The following ZNF518A variants were observed in gnomAD, a reference collection of about 807,000 sequenced individuals.
ZNF518A encodes zinc finger protein 518A.
ZNF518A carries 47 observed loss-of-function variants against 102.7 expected under a neutral mutation model. The ratio of observed to expected loss-of-function variants is 0.46; its 90% CI spans 0.36 to 0.58. ZNF518A has a LOEUF of 0.58. Among genes scored for constraint, ZNF518A ranks in the 20% least tolerant of loss-of-function variants. The pLI is 0.00. For missense variants in ZNF518A, 1,793 were observed against 1,699.8 expected (o/e 1.05, Z -0.96); for synonymous variants, 652 against 594.6 (o/e 1.10, Z -1.40).
At chr10:96,179,906 T>A (rs1272586512) in intron 1 of ZNF518A, among the ~76,000 whole-genome samples, 7 of 145,666 alleles carry the variant, frequency 4.8e-5, no homozygotes, top group Non-Finnish European at 9.0e-5. Context: ...TGACATGGAG[T>A]CTCGCTCTCT....
At chr10:96,135,424 T>G (rs1554874062) in intron 3 of ZNF518A, 1 of 152,254 alleles carries the variant, frequency 6.6e-6, no homozygotes, top group Non-Finnish European at 1.5e-5. Flanking sequence ...ATATGGCCCT[T>G]ATGAATTTAA....
At chr10:96,146,741 A>G (rs926173811) in intron 3 of ZNF518A, among the ~76,000 whole-genome samples, 1 of 152,206 alleles carries the variant, frequency 6.6e-6, no homozygotes, top group African/African-American at 2.4e-5. Context: ...CTCTGGTCAT[A>G]TCCTCCTCTC....
chr10:96,180,711 A>C (rs2133892189), intron 1 of ZNF518A, among the ~76,000 whole-genome samples: 1 of 152,300 alleles, frequency 6.6e-6, no homozygotes, highest in Non-Finnish European at 1.5e-5. Context: ...TCCATGGTGT[A>C]TATGTGCCAC....
Position 96,200,216 on chromosome 10 carries a change from G to T in ZNF518A, n.36-3358G>T. 6.9e-7 allele frequency: 1 copy of T among 1,443,856 alleles called. No individual in the cohort carries two copies. Among genetic ancestry groups the T allele is most frequent in the Non-Finnish European group, 9.7e-7 (1 of 1,027,962 alleles). The allele number at this position is 1,443,856 out of a possible 1,614,324, so 89.4% of individuals were successfully genotyped here. ...TGGTCCCTACTTAACTCTAATTTCT[G>T]TGTACTAGAAACAAAGACCCATTTG... On this transcript the variant is annotated intron_variant and non_coding_transcript_variant, in intron 1 of 2. Transcript: ENST00000442635. This position sits in a 1 kb window ranked among gnomAD's most constrained non-coding sequence, Gnocchi z 4.3.
At chr10:96,174,368 G>A (rs587604194) in intron 1 of ZNF518A, among the ~76,000 whole-genome samples, 2 of 152,078 alleles carry the variant, frequency 1.3e-5, no homozygotes, top group East Asian at 3.9e-4. Flanking sequence ...AGAACATAAA[G>A]GAAACCAAAA....
Position 96,189,012 on chromosome 10 carries a change from C to T in ZNF518A, n.36-14562C>T, listed in dbSNP as rs1044126021. On this transcript the variant is annotated intron_variant and non_coding_transcript_variant, in intron 1 of 2. Coordinates refer to the ZNF518A transcript ENST00000442635. ...TCACTCCAGTCCCTCATCTTCATGTCGTAATCTTTTTTTTCAATAGAAACC... is the reference window on the plus strand; with the variant it reads ...TCACTCCAGTCCCTCATCTTCATGTTGTAATCTTTTTTTTCAATAGAAACC... Among the ~76,000 whole-genome samples, 13 of 152,108 alleles carry T rather than the reference C, an allele frequency of 8.5e-5. No individual in the cohort carries two copies. The East Asian group carries it at 1.2e-3, about 14-fold the overall frequency.
exon 3 of ZNF518A, chr10:96,204,018 A>G (rs1336260703): frequency 1.3e-6 from 2 of 1,583,614 alleles, no homozygotes; most frequent in African/African-American, 2.7e-5. Flanking sequence ...TCCAGCCTCG[A>G]CCACTCCCTG....
rs1157521635 is a variant in ZNF518A, at chr10:96,158,823, A to G, written c.2501A>G (p.Lys834Arg). The G allele has an allele frequency of 3.1e-6, 5 of 1,613,696 alleles. No individual in the cohort carries two copies. In the African/African-American group the frequency reaches 6.7e-5, roughly 22 times the overall value. Residue 834 changes from lysine (K) to arginine (R), a missense_variant, in exon 6 of 6, where the codon AAA becomes AGA. Coordinates refer to ENST00000316045, the MANE Select transcript of ZNF518A (RefSeq NM_001330736.2). ...GKIVESSKDF[K>R]VQGIFPVPPG... Reference sequence around the variant, plus strand: ...ATTGTTGAATCTTCGAAAGATTTCAAAGTGCAAGGCATCTTCCCAGTTCCA... The same window carrying G: ...ATTGTTGAATCTTCGAAAGATTTCAGAGTGCAAGGCATCTTCCCAGTTCCA...
intron 3 of ZNF518A, among the ~76,000 whole-genome samples, chr10:96,148,861 G>C (rs780732570): frequency 1.3e-5 from 2 of 152,042 alleles, no homozygotes; most frequent in Non-Finnish European, 2.9e-5. Flanking sequence ...GACTACAGGC[G>C]CCCACCACCA....
chr10:96,189,355 AT>A lies in ZNF518A; in HGVS notation n.36-14215del, dbSNP rs1164224443. On this transcript the variant is annotated intron_variant and non_coding_transcript_variant, in intron 1 of 2. Coordinates refer to the ZNF518A transcript ENST00000442635. ...AAAATGTTAACAAATTGTTTAAACT[AT>A]TTTCTAAAGAGACTTCCTCCACTGC... 6 of 559,564 alleles carry A rather than the reference AT, an allele frequency of 1.1e-5. 1 individual carries two copies. Among genetic ancestry groups the A allele is most frequent in the African/African-American group, 9.4e-5 (5 of 52,994 alleles). The allele number at this position is 559,564 out of a possible 1,614,324, so 34.7% of individuals were successfully genotyped here. A position where few individuals can be genotyped will look rare whatever the true frequency, so the allele number is the denominator to read the frequency against.
rs782655160 is a variant in ZNF518A, at chr10:96,160,177, C to A, written c.3855C>A (p.Tyr1285Ter). 6.2e-7 allele frequency: 1 copy of A among 1,608,190 alleles called. No homozygotes were observed. Among genetic ancestry groups the A allele is most frequent in the Non-Finnish European group, 8.5e-7 (1 of 1,177,526 alleles). ...RNCKRKCRDS[Y>*]QEPPRRKATL... Reference sequence around the variant, plus strand: ...GTAAACGAAAGTGTAGGGATAGTTACCAAGAACCTCCAAGAAGAAAAGCAA... The same window carrying A: ...GTAAACGAAAGTGTAGGGATAGTTAACAAGAACCTCCAAGAAGAAAAGCAA... Residue 1285 changes from tyrosine (Y) to a stop codon, truncating the protein, a stop_gained, in exon 6 of 6, where the codon TAC (tyrosine) becomes TAA (stop). Coordinates refer to ENST00000316045, the MANE Select transcript of ZNF518A (RefSeq NM_001330736.2). LOFTEE classifies it high-confidence loss of function.
In ZNF518A at chr10:96,158,276, C is replaced by T. The variant is rs782112446; in HGVS notation, c.1954C>T (p.Arg652Cys). The T allele has an allele frequency of 1.7e-5, 27 of 1,613,350 alleles. No individual in the cohort carries two copies. Among genetic ancestry groups the T allele is most frequent in the African/African-American group, 4.0e-5 (3 of 74,890 alleles). The change falls in exon 6 of 6, where the codon CGT (arginine) becomes TGT (cysteine). Residue 652 changes from arginine (R) to cysteine (C), a missense_variant. Transcript: ENST00000316045. ...AAAAGTGAATAATTCTAATAAACGT[C>T]GTAGGTTTTCAGGAACAGCAGTGTA... is the stretch of plus-strand genomic sequence containing the variant. ...YSKVNNSNKRRRFSGTAVYEN... is the reference protein window; with the variant it reads ...YSKVNNSNKRCRFSGTAVYEN...
chr10:96,141,896 C>T (rs1313615585), intron 3 of ZNF518A, among the ~76,000 whole-genome samples: 1 of 152,010 alleles, frequency 6.6e-6, no homozygotes, highest in Non-Finnish European at 1.5e-5. Flanking sequence ...CATGCCACCA[C>T]ACTTGCCTAA....
At chr10:96,173,571 G>A (rs1381506842) in intron 1 of ZNF518A, among the ~76,000 whole-genome samples, 5 of 152,084 alleles carry the variant, frequency 3.3e-5, no homozygotes, top group South Asian at 4.1e-4. Context: ...AACTCATCAG[G>A]AAGCTATAAC....
At chr10:96,168,508 T>G (rs1184690070), downstream of ZNF518A, among the ~76,000 whole-genome samples, 2 of 152,168 alleles carry the variant, frequency 1.3e-5, no homozygotes, top group African/African-American at 4.8e-5. Flanking sequence ...TATACTCCCT[T>G]TAGCTTTTTT....
At chr10:96,135,485 T>G (rs1211179515) in intron 3 of ZNF518A, among the ~76,000 whole-genome samples, 4 of 152,238 alleles carry the variant, frequency 2.6e-5, no homozygotes, top group African/African-American at 9.6e-5. Flanking sequence ...TTCCCCACTT[T>G]CCTATACCTT....
At position 96,157,624 on chromosome 10, in the gene ZNF518A, A is replaced by G; in HGVS notation, c.1302A>G (p.Leu434=). ...LKNVMMKNNK[L]AVSPNYNATF... ...ATGTAATGATGAAAAATAATAAACTAGCAGTTTCCCCTAACTATAATGCTA... is the reference window on the plus strand; with the variant it reads ...ATGTAATGATGAAAAATAATAAACTGGCAGTTTCCCCTAACTATAATGCTA... The change falls in exon 6 of 6, where the codon CTA becomes CTG. Residue 434 remains leucine, a synonymous_variant. Coordinates refer to ENST00000316045, the MANE Select transcript of ZNF518A (RefSeq NM_001330736.2). 1 of 1,613,866 alleles carries G rather than the reference A, an allele frequency of 6.2e-7. No individual in the cohort carries two copies. Among genetic ancestry groups the G allele is most frequent in the South Asian group, 1.1e-5 (1 of 91,064 alleles).
In ZNF518A at chr10:96,163,132, T is replaced by G. The variant is rs1408485533; in HGVS notation, c.*2358T>G. ...CAGAATAGCCATATCAGGAAAATAA[T>G]GTCGAGATATGTACTTCTTGCCTTT... On this transcript the variant is annotated 3_prime_UTR_variant, in exon 6 of 6. Coordinates refer to ENST00000316045, the MANE Select transcript of ZNF518A (RefSeq NM_001330736.2). The G allele has an allele frequency of 2.8e-4, 47 of 167,154 alleles. No homozygotes were observed. 10.4% of individuals were successfully genotyped at this position (167,154 alleles called of 1,614,324 possible). A position where few individuals can be genotyped will look rare whatever the true frequency, so the allele number is the denominator to read the frequency against.
At chr10:96,176,776 A>C (rs1554891530) in intron 1 of ZNF518A, among the ~76,000 whole-genome samples, 1 of 39,724 alleles carries the variant, frequency 2.5e-5, no homozygotes, top group African/African-American at 1.1e-4. Flanking sequence ...GACACCTGTC[A>C]TCCCAGCTAC....
Sources: allele counts gnomAD v4.1 joint callset (sites outside exome capture counted in the v4.1 genomes callset), GRCh38; gene constraint gnomAD v4.1.1; non-coding constraint Gnocchi (gnomAD v3.1); transcripts MANE v1.5; gene names NCBI Gene and HGNC (gene_info 2026-07-23, HGNC 2026-07-21).